Variants in DNM3 observed in about 807,000 individuals in gnomAD.
DNM3 encodes the protein dynamin-3.
A neutral mutation model predicts 101.6 loss-of-function variants in DNM3; 47 were observed. The ratio of observed to expected loss-of-function variants is 0.46; its 90% CI spans 0.37 to 0.59. The LOEUF (loss-of-function observed/expected upper bound fraction) is 0.59, where lower values mean the gene tolerates loss of function less well. DNM3 is among the 20% of genes least tolerant of loss of function. The probability of loss-of-function intolerance (pLI) is 0.00; values close to 1 mark genes in which losing one functional copy is unlikely to be tolerated. For synonymous variants in DNM3, 385 were observed against 387.9 expected, an observed-to-expected ratio of 0.99 and a Z score of 0.09; for missense variants, 849 against 1,085.7, an observed-to-expected ratio of 0.78 and a Z score of 3.06.
At chr1:172,388,843 C>G in intron 20 of DNM3, 34 bp downstream of exon 20, 1 of 1,477,788 alleles carries the variant, frequency 6.8e-7, no homozygotes, top group Non-Finnish European at 9.2e-7. Context: ...GGGGGTAGTG[C>G]GCCTTGGTTC....
At chr1:172,326,917 A>T (rs2065960282) in intron 17 of DNM3, among the ~76,000 whole-genome samples, 1 of 152,084 alleles carries the variant, frequency 6.6e-6, no homozygotes, top group Admixed American at 6.6e-5. Flanking sequence ...TAAAAAAGAA[A>T]TTTATAATCA....
At chr1:171,926,964 T>C (rs2040620544) in intron 2 of DNM3, among the ~76,000 whole-genome samples, 1 of 152,210 alleles carries the variant, frequency 6.6e-6, no homozygotes, top group African/African-American at 2.4e-5. Context: ...ACAGACTGGA[T>C]GCTTTCTGTC....
chr1:171,995,287 T>A (rs781022527), intron 4 of DNM3, among the ~76,000 whole-genome samples: 1 of 151,958 alleles, frequency 6.6e-6, no homozygotes, highest in Non-Finnish European at 1.5e-5. Flanking sequence ...TTGCATTTAG[T>A]GGAGACAGGG....
In DNM3 at chr1:172,412,585, T is replaced by C; in HGVS notation, c.*4744T>C. ...CACTTTCAGGATTTCTTAATGCTGA[T>C]ATATGGACTCTTAGAATGGAATTTT... On this transcript the variant is annotated 3_prime_UTR_variant, in exon 21 of 21. Transcript: ENST00000627582. 5 of 985,858 alleles carry C rather than the reference T, an allele frequency of 5.1e-6. No homozygotes were observed. The South Asian group carries it at 2.3e-4, about 46-fold the overall frequency. 61.1% of individuals were successfully genotyped at this position (985,858 alleles called of 1,614,324 possible).
intron 4 of DNM3, among the ~76,000 whole-genome samples, chr1:172,018,561 A>G (rs564348097): frequency 6.6e-6 from 1 of 152,228 alleles, no homozygotes; most frequent in Non-Finnish European, 1.5e-5. Context: ...TGATGTCCCA[A>G]TTACAACCCC....
In DNM3 at chr1:172,048,690, G is replaced by A. The variant is rs1439828079; in HGVS notation, c.1275G>A (p.Leu425=). The A allele has an allele frequency of 1.2e-6, 2 of 1,613,618 alleles. No individual in the cohort carries two copies. The highest frequency in any genetic ancestry group is 2.2e-5 in the East Asian group (1 of 44,854). ...KQIVKLKGPS[L]KSVDLVIQEL... ...TTGTAAAGTTGAAAGGGCCTTCCTT[G>A]AAGAGTGTGGATCTGGTAATACAAG... Residue 425 remains leucine, a synonymous_variant, in exon 10 of 21, where the codon TTG becomes TTA. Transcript: ENST00000627582.
intron 11 of DNM3, among the ~76,000 whole-genome samples, chr1:172,070,413 A>G (rs1006079259): frequency 6.6e-6 from 1 of 152,214 alleles, no homozygotes; most frequent in Non-Finnish European, 1.5e-5. Context: ...GTTTTAATTT[A>G]GTGTTTTCAT....
chr1:171,984,785 A>G (rs940248818), intron 2 of DNM3, among the ~76,000 whole-genome samples: 25 of 152,242 alleles, frequency 1.6e-4, no homozygotes, highest in African/African-American at 5.8e-4. Context: ...GAGTGATCTC[A>G]ATAAATATTA....
intron 8 of DNM3, 130 bp from the exon 9 acceptor site, chr1:172,044,255 G>A (rs2049605172): frequency 2.7e-6 from 2 of 742,892 alleles, no homozygotes; most frequent in Non-Finnish European, 2.2e-6. Flanking sequence ...TGACCATCTG[G>A]GTTTAGGTTA....
intron 15 of DNM3, among the ~76,000 whole-genome samples, chr1:172,254,826 G>C (rs1244870903): frequency 6.6e-6 from 1 of 152,060 alleles, no homozygotes; most frequent in Non-Finnish European, 1.5e-5. Context: ...AACTAGGAAA[G>C]GATAATAAAG....
intron 16 of DNM3, among the ~76,000 whole-genome samples, chr1:172,313,190 T>A (rs2065152678): frequency 6.6e-6 from 1 of 152,258 alleles, no homozygotes; most frequent in Non-Finnish European, 1.5e-5. Context: ...TTTGATATCA[T>A]TAAATATGTA....
chr1:172,115,941 T>C (rs2055857515), intron 13 of DNM3, among the ~76,000 whole-genome samples: 3 of 152,258 alleles, frequency 2.0e-5, no homozygotes, highest in South Asian at 2.1e-4. Context: ...AACTGGAGAA[T>C]ATAGGTTCTA....
chr1:172,403,325 A>AG (rs1327954247), intron 20 of DNM3, among the ~76,000 whole-genome samples: 1 of 152,148 alleles, frequency 6.6e-6, no homozygotes, highest in Admixed American at 6.5e-5. Flanking sequence ...AAGAAGCTAG[A>AG]GGAAAGGTGG....
intron 20 of DNM3, among the ~76,000 whole-genome samples, chr1:172,395,275 A>G (rs1261194204): frequency 1.3e-5 from 2 of 150,494 alleles, no homozygotes; most frequent in Non-Finnish European, 2.9e-5. Flanking sequence ...GCTTCAAGCG[A>G]TTCTCCTGCC....
chr1:172,078,853 A>G (rs1286048119), intron 11 of DNM3, among the ~76,000 whole-genome samples: 1 of 152,190 alleles, frequency 6.6e-6, no homozygotes, highest in African/African-American at 2.4e-5. Context: ...GCTAGTCTGT[A>G]AAAGAGTTTA....
rs192248147 is a variant in DNM3, at chr1:172,336,134, C to A, written c.1893+12794C>A. ...AGATGCTGCTAAACACCCTATAAGG[C>A]ACAGGACAGCCCCCCACACAAAGAA... On this transcript the variant is annotated intron_variant, in intron 17 of 20. Transcript: ENST00000627582. Among the ~76,000 whole-genome samples the A allele has an allele frequency of 3.9e-4, 60 of 152,150 alleles. 1 individual carries two copies. The South Asian group carries it at 7.7e-3, about 20-fold the overall frequency.
intron 4 of DNM3, among the ~76,000 whole-genome samples, chr1:172,009,636 C>A (rs1387824856): frequency 6.6e-6 from 1 of 151,748 alleles, no homozygotes; most frequent in Non-Finnish European, 1.5e-5. Flanking sequence ...GCAGTAAGTT[C>A]TGTCAAACAG....
intron 5 of DNM3, 47 bp downstream of exon 5, chr1:172,032,547 T>C (rs773545029): frequency 8.5e-7 from 1 of 1,174,062 alleles, no homozygotes; most frequent in South Asian, 1.6e-5. Context: ...TTTTTTTTTT[T>C]TTTTTTTTGT....
chr1:172,233,388 G>A (rs1407495576), intron 14 of DNM3, among the ~76,000 whole-genome samples: 3 of 152,084 alleles, frequency 2.0e-5, no homozygotes, highest in Non-Finnish European at 2.9e-5. Context: ...TGAAATTGAG[G>A]CAATAATCAA....
Sources: gnomAD v4.1 joint callset for allele counts (sites outside exome capture counted in the v4.1 genomes callset) on GRCh38, gnomAD v4.1.1 for gene constraint, MANE v1.5 for transcripts, NCBI Gene and HGNC (gene_info 2026-07-23, HGNC 2026-07-21) for gene names.